Variants in TMEM181 observed in about 807,000 individuals in gnomAD.
The protein encoded by TMEM181 is transmembrane protein 181.
Under a neutral mutation model 71.9 loss-of-function variants are expected in TMEM181, and 39 were observed. The observed-to-expected ratio is 0.54, with a 90% confidence interval of 0.42 to 0.71. The LOEUF (loss-of-function observed/expected upper bound fraction) is 0.71, where lower values mean the gene tolerates loss of function less well. Ranked by LOEUF, TMEM181 falls within the 30% of genes least tolerant of loss-of-function variation. TMEM181 has a pLI of 0.00. For synonymous variants in TMEM181, 245 were observed against 228.8 expected, an observed-to-expected ratio of 1.07 and a Z score of -0.64; for missense variants, 595 against 583.0, an observed-to-expected ratio of 1.02 and a Z score of -0.21.
chr6:158,615,138 C>T (rs894543871), intron 10 of TMEM181, among the ~76,000 whole-genome samples: 1 of 152,236 alleles, frequency 6.6e-6, no homozygotes, highest in Non-Finnish European at 1.5e-5. Context: ...TCTACATCCT[C>T]TCCAGGACCT....
At chr6:158,589,023 C>T (rs1055907469) in intron 5 of TMEM181, among the ~76,000 whole-genome samples, 1 of 152,134 alleles carries the variant, frequency 6.6e-6, no homozygotes, top group African/African-American at 2.4e-5. Flanking sequence ...CCCTGCCACT[C>T]CGGAAGGGGA....
intron 15 of TMEM181, among the ~76,000 whole-genome samples, chr6:158,630,749 C>T (rs1786614027): frequency 1.3e-5 from 2 of 151,064 alleles, no homozygotes; most frequent in African/African-American, 2.4e-5. Context: ...CAAAAAGTCA[C>T]CTAATAGTGA....
At chr6:158,621,891 G>A (rs556148538) in intron 10 of TMEM181, among the ~76,000 whole-genome samples, 17 of 152,310 alleles carry the variant, frequency 1.1e-4, no homozygotes, top group South Asian at 2.1e-4. Flanking sequence ...AAGCGCTTCC[G>A]AAGACCACAA....
rs145714004 is a variant in TMEM181 at position 158,585,399 on chromosome 6, C to T, written c.355C>T (p.Arg119Trp). Reference protein sequence around the residue: ...TMYIHNKVHNRTRTLTCAGKC... With the variant: ...TMYIHNKVHNWTRTLTCAGKC... Reference sequence around the variant, plus strand: ...GTACATTCATAACAAAGTTCACAACCGGACAAGGACCCTCACATGTGCAGG... The same window carrying T: ...GTACATTCATAACAAAGTTCACAACTGGACAAGGACCCTCACATGTGCAGG... Residue 119 changes from arginine (R) to tryptophan (W), a missense_variant, in exon 5 of 17, where the codon CGG (arginine) becomes TGG (tryptophan). Transcript: ENST00000684151. The T allele has an allele frequency of 1.4e-5, 23 of 1,610,834 alleles. No individual in the cohort carries two copies. Among genetic ancestry groups the T allele is most frequent in the South Asian group, 4.4e-5 (4 of 90,444 alleles).
intron 16 of TMEM181, 81 bp downstream of exon 16, chr6:158,631,470 C>G: frequency 6.9e-7 from 1 of 1,447,926 alleles, no homozygotes. Context: ...GGTTACTCTT[C>G]TAAAATTATT....
intron 1 of TMEM181, among the ~76,000 whole-genome samples, chr6:158,537,379 G>A (rs1359843979): frequency 1.3e-5 from 2 of 152,042 alleles, no homozygotes; most frequent in Admixed American, 6.5e-5. Context: ...GGCTGGGGGC[G>A]GATGGGCGCG....
At chr6:158,609,115 T>C (rs374452657) in intron 10 of TMEM181, among the ~76,000 whole-genome samples, 1 of 141,706 alleles carries the variant, frequency 7.1e-6, no homozygotes, top group African/African-American at 2.6e-5. Context: ...AAAAAAAAGG[T>C]GAAAAGGCTT....
Position 158,560,174 on chromosome 6 carries a change from C to T in TMEM181, c.-51C>T. 1.0e-6 allele frequency: 1 copy of T among 984,908 alleles called. No individual in the cohort carries two copies. Among genetic ancestry groups the T allele is most frequent in the Middle Eastern group, 5.2e-4 (1 of 1,912 alleles). 61.0% of individuals were successfully genotyped at this position (984,908 alleles called of 1,614,324 possible). ...CCGCTGCCGAGGCTGCTGCGCGGCG[C>T]CTGGCGGGCTCGGGACGCGCGGGCC... is the stretch of plus-strand genomic sequence containing the variant. On this transcript the variant is annotated 5_prime_UTR_variant, in exon 1 of 17. Coordinates refer to ENST00000684151, the MANE Select transcript of TMEM181 (RefSeq NM_001376852.1).
In TMEM181 at chr6:158,631,935, C is replaced by T. The variant is rs370691973; in HGVS notation, c.*47C>T. 300 of 1,505,272 alleles carry T rather than the reference C, an allele frequency of 2.0e-4. No individual in the cohort carries two copies. Among genetic ancestry groups the T allele is most frequent in the African/African-American group, 4.8e-4 (35 of 72,310 alleles). 93.2% of individuals were successfully genotyped at this position (1,505,272 alleles called of 1,614,324 possible). A position where few individuals can be genotyped will look rare whatever the true frequency, so the allele number is the denominator to read the frequency against. On this transcript the variant is annotated 3_prime_UTR_variant, in exon 17 of 17. Transcript: ENST00000684151. The stretch of plus-strand genomic sequence containing the variant: ...CGACAAGATGCCTGGATGCTTTCCC[C>T]GGTGACCGTCTGCTGACCTTCCCCT...
At chr6:158,536,656 G>C (rs1469590118) in exon 1 of TMEM181, 25 of 1,500,074 alleles carry the variant, frequency 1.7e-5, no homozygotes, top group Non-Finnish European at 2.1e-5. Context: ...CCGATCCCCA[G>C]TGCTGGGAGA....
At chr6:158,581,533 C>T (rs975837367) in intron 3 of TMEM181, among the ~76,000 whole-genome samples, 1 of 152,048 alleles carries the variant, frequency 6.6e-6, no homozygotes, top group African/African-American at 2.4e-5. Context: ...GTGAGCTGAT[C>T]ACGAGGTCAA....
intron 14 of TMEM181, among the ~76,000 whole-genome samples, 181 bp from the exon 15 acceptor site, chr6:158,629,549 T>C (rs894958728): frequency 6.6e-6 from 1 of 151,286 alleles, no homozygotes; most frequent in South Asian, 2.1e-4. Context: ...CGAAGAGTGC[T>C]TGTGACCCCT....
At chr6:158,562,804 C>T (rs1345217360) in intron 1 of TMEM181, among the ~76,000 whole-genome samples, 1 of 152,300 alleles carries the variant, frequency 6.6e-6, no homozygotes, top group Middle Eastern at 3.4e-3. Context: ...TGAGTGTTCA[C>T]CATGTAGCAA....
At chr6:158,541,352 G>A (rs1435458164) in intron 1 of TMEM181, among the ~76,000 whole-genome samples, 1 of 152,156 alleles carries the variant, frequency 6.6e-6, no homozygotes, top group African/African-American at 2.4e-5. Flanking sequence ...GGGAGGCAGG[G>A]GTTGCAGTGA....
rs1239326899 is a variant in TMEM181 at position 158,571,481 on chromosome 6, G to A, written c.9-1939G>A. ...CTGGCTGCTAATTTTTGTATTTTTA[G>A]TAGAGACGGGGTTTCATCGTGTTGG... is the stretch of plus-strand genomic sequence containing the variant. On this transcript the variant is annotated intron_variant, in intron 1 of 16. Coordinates refer to ENST00000684151, the MANE Select transcript of TMEM181 (RefSeq NM_001376852.1). Among the ~76,000 whole-genome samples the A allele has an allele frequency of 1.2e-4, 16 of 136,056 alleles. 1 individual carries two copies. The highest frequency in any genetic ancestry group is 4.3e-4 in the African/African-American group (16 of 37,376). The allele number at this position is 136,056 out of a possible 152,430, so 89.3% of individuals were successfully genotyped here. A position where few individuals can be genotyped will look rare whatever the true frequency, so the allele number is the denominator to read the frequency against.
At position 158,629,764 on chromosome 6, in the gene TMEM181, C is replaced by T. The variant is rs1786554052; in HGVS notation, c.1227C>T (p.Asn409=). ...AEFLSFYGLL[N]FYLYTLAFVY... ...TCTTATCTTTCTATGGCCTGTTGAA[C>T]TTCTATCTCTACACCTTGGCCTTTG... The change falls in exon 15 of 17, where the codon AAC becomes AAT. Residue 409 remains asparagine (N), a synonymous_variant. Coordinates refer to ENST00000684151, the MANE Select transcript of TMEM181 (RefSeq NM_001376852.1). 6.2e-7 allele frequency: 1 copy of T among 1,612,944 alleles called. No homozygotes were observed. The highest frequency in any genetic ancestry group is 8.5e-7 in the Non-Finnish European group (1 of 1,179,540).
intron 1 of TMEM181, among the ~76,000 whole-genome samples, chr6:158,542,526 TGTTTACC>T (rs1211691303): frequency 4.6e-5 from 7 of 152,208 alleles, no homozygotes; most frequent in African/African-American, 1.7e-4. Context: ...CTCTTCCTGG[TGTTTACC>T]TAGGCTTAAT....
intron 1 of TMEM181, among the ~76,000 whole-genome samples, chr6:158,537,218 C>A (rs1456540711): frequency 6.6e-6 from 1 of 152,064 alleles, no homozygotes; most frequent in Non-Finnish European, 1.5e-5. Flanking sequence ...CGTTCTCCCC[C>A]CGCGCCCGCC....
At chr6:158,547,662 C>T (rs574050080) in intron 1 of TMEM181, among the ~76,000 whole-genome samples, 1 of 152,002 alleles carries the variant, frequency 6.6e-6, no homozygotes, top group Non-Finnish European at 1.5e-5. Flanking sequence ...TTTGTAACAA[C>T]GATTCCAGAC....
Sources: allele counts gnomAD v4.1 joint callset (sites outside exome capture counted in the v4.1 genomes callset), GRCh38; gene constraint gnomAD v4.1.1; transcripts MANE v1.5; gene names NCBI Gene and HGNC (gene_info 2026-07-23, HGNC 2026-07-21).